Variants in MDN1 observed in about 807,000 individuals in gnomAD.
The protein encoded by MDN1 is midasin.
A neutral mutation model predicts 669.2 loss-of-function variants in MDN1; 266 were observed. The observed-to-expected ratio is 0.40, with a 90% CI of 0.36 to 0.44. The LOEUF (loss-of-function observed/expected upper bound fraction) is 0.44. MDN1 is among the 20% of genes least tolerant of loss of function. The pLI, the probability that MDN1 is intolerant of heterozygous loss-of-function variation, is 1.00. For synonymous variants in MDN1, 2,385 were observed against 2,457.1 expected, an observed-to-expected ratio of 0.97 and a Z score of 0.87; for missense variants, 5,940 against 6,754.0, an observed-to-expected ratio of 0.88 and a Z score of 4.22.
rs2128304491 is a variant in MDN1, at chr6:89,673,377, G to T, written c.13333C>A (p.Leu4445Ile). Residue 4445 changes from leucine (L) to isoleucine (I), a missense_variant, in exon 80 of 102, where the codon CTT becomes ATT. Physicochemically the swap from Leu to Ile is conservative, Grantham distance 5 (BLOSUM62 2). Coordinates refer to ENST00000369393, the MANE Select transcript of MDN1 (RefSeq NM_014611.3). ...CTTTGCTCAACCTCCATCCCTGGAA[G>T]AATGAACAAGGACTCTAGGCCCTGC... ...HLQGLESLFI[L>I]PGMEVEQRDS... 1 of 1,614,188 alleles carries T rather than the reference G, an allele frequency of 6.2e-7. No homozygotes were observed. The highest frequency in any genetic ancestry group is 8.5e-7 in the Non-Finnish European group (1 of 1,180,032).
Position 89,672,260 on chromosome 6 carries a change from G to C in MDN1, c.13734C>G (p.Ile4578Met), listed in dbSNP as rs1418360857. 3 of 1,612,064 alleles carry C rather than the reference G, an allele frequency of 1.9e-6. No individual in the cohort carries two copies. The highest frequency in any genetic ancestry group is 2.5e-6 in the Non-Finnish European group (3 of 1,179,648). Reference sequence around the variant, plus strand: ...ATTTCAGCCTCTCCAACAGCTCGGAGATGGCAGAAATTATTTTCTGCACGT... The same window carrying C: ...ATTTCAGCCTCTCCAACAGCTCGGACATGGCAGAAATTATTTTCTGCACGT... The part of the protein sequence containing the change: ...TLHVQKIISA[I>M]SELLERLKSY... Residue 4578 changes from isoleucine (I) to methionine (M), a missense_variant, in exon 82 of 102, where the codon ATC becomes ATG. Physicochemically the swap from Ile to Met is conservative, Grantham distance 10. Coordinates refer to ENST00000369393, the MANE Select transcript of MDN1 (RefSeq NM_014611.3).
intron 17 of MDN1, 133 bp downstream of exon 17, chr6:89,761,512 A>T: frequency 5.5e-6 from 3 of 545,302 alleles, no homozygotes; most frequent in Non-Finnish European, 9.4e-6. Flanking sequence ...CATAATTACC[A>T]TGAAGGACAC....
chr6:89,749,063 T>G (rs1196807127), intron 26 of MDN1, among the ~76,000 whole-genome samples, 160 bp downstream of exon 26: 1 of 151,320 alleles, frequency 6.6e-6, no homozygotes, highest in African/African-American at 2.4e-5. Context: ...GACTGTGTCT[T>G]GCAAAAAATA....
At chr6:89,674,869 C>A (rs1310881805) in intron 78 of MDN1, among the ~76,000 whole-genome samples, 4 of 152,130 alleles carry the variant, frequency 2.6e-5, no homozygotes, top group Non-Finnish European at 4.4e-5. Flanking sequence ...GCTAAATAAA[C>A]CCTAATGAAT....
rs1562079589 is a variant in MDN1, at chr6:89,680,664, T to TGCG, written c.12187_12189dup (p.Arg4063dup). ...ATGAACGTCAGGCACATCTTCCTCATGCGTTTCCTGAGCTTTGGCAAGCGA... is the reference window on the plus strand; with the variant it reads ...ATGAACGTCAGGCACATCTTCCTCATGCGGCGTTTCCTGAGCTTTGGCAAGCGA... On this transcript the variant is annotated inframe_insertion, in exon 74 of 102. Coordinates refer to ENST00000369393, the MANE Select transcript of MDN1 (RefSeq NM_014611.3). 1 of 1,614,142 alleles carries TGCG rather than the reference T, an allele frequency of 6.2e-7. No individual in the cohort carries two copies. Among genetic ancestry groups the TGCG allele is most frequent in the Non-Finnish European group, 8.5e-7 (1 of 1,180,036 alleles).
Position 89,727,903 on chromosome 6 carries a change from C to T in MDN1, c.5402G>A (p.Gly1801Glu), listed in dbSNP as rs370205372. ...GGGGCCATCACGCCAGGCAAACTCT[C>T]CTCCCTTGCCACCTTCAACAGGTAG... ...ADLPVEGGKG[G>E]EFAWRDGPLL... The change falls in exon 37 of 102, where the codon GGA becomes GAA. Residue 1801 changes from glycine (G) to glutamate (E), a missense_variant. Gly to Glu is a moderately conservative substitution (Grantham distance 98, BLOSUM62 -2). Transcript: ENST00000369393. The T allele has an allele frequency of 5.0e-6, 8 of 1,613,924 alleles. No homozygotes were observed. The highest frequency in any genetic ancestry group is 6.8e-6 in the Non-Finnish European group (8 of 1,179,970).
intron 33 of MDN1, among the ~76,000 whole-genome samples, chr6:89,733,999 T>TA (rs978127979): frequency 3.3e-5 from 5 of 151,944 alleles, no homozygotes; most frequent in African/African-American, 1.2e-4. Context: ...TCATTAAAAA[T>TA]AAAGGCCAGG....
At chr6:89,649,539 A>G (rs1334837895) in intron 97 of MDN1, among the ~76,000 whole-genome samples, 1 of 152,242 alleles carries the variant, frequency 6.6e-6, no homozygotes, top group African/African-American at 2.4e-5. Flanking sequence ...AGGCTCCTAA[A>G]CTTAATATTA....
intron 50 of MDN1, among the ~76,000 whole-genome samples, chr6:89,709,659 T>C (rs368712047): frequency 5.3e-5 from 8 of 152,314 alleles, no homozygotes; most frequent in Admixed American, 3.3e-4. Flanking sequence ...CTAAACCAAA[T>C]GGCCAGTGGT....
chr6:89,727,773 A>G, intron 37 of MDN1, 60 bp downstream of exon 37: 1 of 1,612,236 alleles, frequency 6.2e-7, no homozygotes, highest in South Asian at 1.1e-5. Flanking sequence ...GAGCTGTGAA[A>G]GGATGACTGC....
At chr6:89,701,408 A>G in intron 55 of MDN1, 150 bp downstream of exon 55, 1 of 1,016,380 alleles carries the variant, frequency 9.8e-7, no homozygotes, top group Non-Finnish European at 1.4e-6. Context: ...GAATCCTGGA[A>G]CCAATCACCC....
chr6:89,748,052 C>T (rs996313533), intron 26 of MDN1, among the ~76,000 whole-genome samples: 1 of 151,620 alleles, frequency 6.6e-6, no homozygotes, highest in African/African-American at 2.4e-5. Flanking sequence ...TGCAAATGGG[C>T]GCAGTGGCTC....
At position 89,656,684 on chromosome 6, in the gene MDN1, G is replaced by A. The variant is rs1489010412; in HGVS notation, c.15285+16C>T. On this transcript the variant is annotated intron_variant, in intron 91 of 101. Transcript: ENST00000369393. ...ATGCTGCCTTCACCTAAGTTTAGCT[G>A]AGGAGTGATAGAAACCTGTGTGTTT... 1 of 1,580,118 alleles carries A rather than the reference G, an allele frequency of 6.3e-7. No individual in the cohort carries two copies. Among genetic ancestry groups the A allele is most frequent in the Non-Finnish European group, 8.7e-7 (1 of 1,155,876 alleles).
rs554895572 is a variant in MDN1, at chr6:89,768,301, G to A, written c.2144+3260C>T. On this transcript the variant is annotated intron_variant, in intron 15 of 101. Coordinates refer to ENST00000369393, the MANE Select transcript of MDN1 (RefSeq NM_014611.3). ...AATCATGGGGGTGGGTCTTTCCCATGCTATTCTCATGATAGTGAATAAGTC... is the reference window on the plus strand; with the variant it reads ...AATCATGGGGGTGGGTCTTTCCCATACTATTCTCATGATAGTGAATAAGTC... Among the ~76,000 whole-genome samples the A allele has an allele frequency of 1.8e-3, 271 of 152,196 alleles. 9 individuals are homozygous for A. In the South Asian group the frequency reaches 0.055, roughly 31 times the overall value.
At chr6:89,745,952 G>A (rs567033743) in intron 27 of MDN1, among the ~76,000 whole-genome samples, 14 of 152,046 alleles carry the variant, frequency 9.2e-5, no homozygotes, top group Non-Finnish European at 1.6e-4. Flanking sequence ...CTATGGTGTC[G>A]TCATACAGTG....
At chr6:89,663,952 AAAAAG>A (rs1295087855) in intron 85 of MDN1, among the ~76,000 whole-genome samples, 32 of 151,730 alleles carry the variant, frequency 2.1e-4, no homozygotes, top group Admixed American at 5.3e-4. Context: ...AAAAAAAAAA[AAAAAG>A]AAAGAAAGAA....
rs573282359 is a variant in MDN1, at chr6:89,792,783, C to T, written c.855+979G>A. ...TGGGTGGCCTGGGTGTAGTGGCTCA[C>T]GCTGAGGCAGGGGGTCACGAGGTCA... is the stretch of plus-strand genomic sequence containing the variant. On this transcript the variant is annotated intron_variant, in intron 5 of 101. Coordinates refer to ENST00000369393, the MANE Select transcript of MDN1 (RefSeq NM_014611.3). Among the ~76,000 whole-genome samples the T allele has an allele frequency of 4.6e-5, 7 of 151,808 alleles. No individual in the cohort carries two copies. In the Middle Eastern group the frequency reaches 0.014, roughly 297 times the overall value.
Position 89,819,593 on chromosome 6 carries a change from C to T in MDN1, c.15G>A (p.Leu5=). The change falls in exon 1 of 102, where the codon TTG becomes TTA. Residue 5 remains leucine (L), a synonymous_variant. Transcript: ENST00000369393. ...GCAGCGGCGCGGCTGCCACCTCCAGCAAGAAGTGCTCCATGACCCAGGGCC... is the reference window on the plus strand; with the variant it reads ...GCAGCGGCGCGGCTGCCACCTCCAGTAAGAAGTGCTCCATGACCCAGGGCC... MEHF[L]LEVAAAPLRL... is the part of the protein sequence containing the mutation. 1 of 1,601,830 alleles carries T rather than the reference C, an allele frequency of 6.2e-7. No individual in the cohort carries two copies. Among genetic ancestry groups the T allele is most frequent in the East Asian group, 2.2e-5 (1 of 44,874 alleles).
chr6:89,661,875 G>A (rs909546740), intron 87 of MDN1, among the ~76,000 whole-genome samples: 8 of 152,278 alleles, frequency 5.3e-5, no homozygotes, highest in Middle Eastern at 3.4e-3. Flanking sequence ...TCTATAGCAT[G>A]AGCCCAGACA....
Sources: allele counts gnomAD v4.1 joint callset (sites outside exome capture counted in the v4.1 genomes callset), GRCh38; gene constraint gnomAD v4.1.1; transcripts MANE v1.5; gene names NCBI Gene and HGNC (gene_info 2026-07-23, HGNC 2026-07-21).